TBC1D16: variants seen among roughly 807,000 people sequenced by gnomAD.
TBC1D16 encodes CTD-2529O21.1.
Under a neutral mutation model 74.7 loss-of-function variants are expected in TBC1D16, and 58 were observed. The ratio of observed to expected loss-of-function variants is 0.78; its 90% CI spans 0.63 to 0.97. The LOEUF (loss-of-function observed/expected upper bound fraction) is 0.97. Among genes scored for constraint, TBC1D16 ranks in the 50% least tolerant of loss-of-function variants. TBC1D16 has a pLI of 0.00. For synonymous variants in TBC1D16, 493 were observed against 474.7 expected, an observed-to-expected ratio of 1.04 and a Z score of -0.50; for missense variants, 1,014 against 1,079.5, an observed-to-expected ratio of 0.94 and a Z score of 0.85.
rs940288614 is a variant in TBC1D16 at position 79,986,437 on chromosome 17, G to A, written c.779+23723C>T. 2.6e-5 allele frequency among the ~76,000 whole-genome samples: 4 copies of A among 152,224 alleles called. No individual in the cohort carries two copies. The highest frequency in any genetic ancestry group is 1.9e-4 in the East Asian group (1 of 5,196). On this transcript the variant is annotated intron_variant, in intron 3 of 11. Transcript: ENST00000310924. This position sits in a 1 kb window ranked among gnomAD's most constrained non-coding sequence, Gnocchi z 6.0. ...GATTCCTCAGTGCAGTATCGTCAGC[G>A]TTGCAGTGGTGGGTAAGAGGCCCCG...
At chr17:79,963,742 G>A (rs184430004) in intron 3 of TBC1D16, among the ~76,000 whole-genome samples, 48 of 152,240 alleles carry the variant, frequency 3.2e-4, no homozygotes, top group Admixed American at 6.5e-4. Flanking sequence ...ACCGACACTT[G>A]TTAGTTTTTA....
chr17:80,011,981 G>T (rs1284073799), intron 2 of TBC1D16, among the ~76,000 whole-genome samples: 1 of 152,132 alleles, frequency 6.6e-6, no homozygotes, highest in East Asian at 1.9e-4. Flanking sequence ...TGGTGACATG[G>T]GAGGAGGGAT....
At chr17:79,984,173 C>T (rs1034848170) in intron 3 of TBC1D16, among the ~76,000 whole-genome samples, 4 of 152,160 alleles carry the variant, frequency 2.6e-5, no homozygotes, top group African/African-American at 9.7e-5. Flanking sequence ...AGGCATCTGC[C>T]AGCACGCCCA....
In TBC1D16 at chr17:79,940,830, C is replaced by G. The variant is rs2031902762; in HGVS notation, c.*29G>C. On this transcript the variant is annotated 3_prime_UTR_variant, in exon 12 of 12. Transcript: ENST00000310924. This position sits in a 1 kb window ranked among gnomAD's most constrained non-coding sequence, Gnocchi z 5.4. The stretch of plus-strand genomic sequence containing the variant: ...CCCAGGGCCTCTGAGGAGGTCCCCT[C>G]AACCCCTGTCCGGTGTCGGGGGCCC... The G allele has an allele frequency of 4.6e-6, 7 of 1,508,710 alleles. No homozygotes were observed. In the East Asian group the frequency reaches 1.6e-4, roughly 35 times the overall value. The allele number at this position is 1,508,710 out of a possible 1,614,324, so 93.5% of individuals were successfully genotyped here. A position where few individuals can be genotyped will look rare whatever the true frequency, so the allele number is the denominator to read the frequency against.
At position 79,949,650 on chromosome 17, in the gene TBC1D16, T is replaced by C. The variant is rs988003817; in HGVS notation, c.1406+67A>G. 6 of 1,555,910 alleles carry C rather than the reference T, an allele frequency of 3.9e-6. No individual in the cohort carries two copies. In the African/African-American group the frequency reaches 5.5e-5, roughly 14 times the overall value. ...TATCAATGCTGAATTGCACCTCAAA[T>C]TGCCTTTTCAAATGACATTTTCCTC... On this transcript the variant is annotated intron_variant, in intron 7 of 11. Coordinates refer to ENST00000310924, the MANE Select transcript of TBC1D16 (RefSeq NM_019020.4).
chr17:80,031,018 G>C (rs1327237174), intron 1 of TBC1D16, among the ~76,000 whole-genome samples: 1 of 152,136 alleles, frequency 6.6e-6, no homozygotes, highest in East Asian at 1.9e-4. Context: ...GCTGCAGAAC[G>C]TCTGCTGCTG....
Position 79,991,514 on chromosome 17 carries a change from G to A in TBC1D16, c.779+18646C>T, listed in dbSNP as rs191590282. 5.3e-5 allele frequency among the ~76,000 whole-genome samples: 8 copies of A among 152,290 alleles called. No individual in the cohort carries two copies. The East Asian group carries it at 1.5e-3, about 29-fold the overall frequency. ...AGTGGCGTCTGGCTGACCCTGACCA[G>A]GGGGACCTGGCCCAAGTGAGTGTGC... On this transcript the variant is annotated intron_variant, in intron 3 of 11. Transcript: ENST00000310924.
At chr17:80,027,837 A>T (rs1201588293) in intron 1 of TBC1D16, among the ~76,000 whole-genome samples, 1 of 142,594 alleles carries the variant, frequency 7.0e-6, no homozygotes. Flanking sequence ...GGTTGCAGTG[A>T]GCTGAGATCG....
chr17:79,963,502 G>A (rs987948717), intron 3 of TBC1D16, among the ~76,000 whole-genome samples: 10 of 152,212 alleles, frequency 6.6e-5, no homozygotes, highest in African/African-American at 1.4e-4. Flanking sequence ...ACCAATTGAC[G>A]GGTTGCTCTA....
Position 79,947,810 on chromosome 17 carries a change from G to C in TBC1D16, c.1563C>G (p.Ala521=). 6.2e-7 allele frequency: 1 copy of C among 1,613,516 alleles called. No homozygotes were observed. Among genetic ancestry groups the C allele is most frequent in the Non-Finnish European group, 8.5e-7 (1 of 1,179,984 alleles). The change falls in exon 9 of 12, where the codon GCC becomes GCG. Residue 521 remains alanine, a synonymous_variant. Coordinates refer to ENST00000310924, the MANE Select transcript of TBC1D16 (RefSeq NM_019020.4). ...AATAGCCGACGGCAGGGTTGTACAC[G>C]GCGTAGTTCAGCAGGATCCTCCTGG... ...ESMRRILLNY[A]VYNPAVGYSQ...
chr17:79,948,552 AC>A (rs2032758781), intron 8 of TBC1D16, among the ~76,000 whole-genome samples: 1 of 152,002 alleles, frequency 6.6e-6, no homozygotes, highest in African/African-American at 2.4e-5. Flanking sequence ...CTACGGGACC[AC>A]CCACGGGGAG....
chr17:79,976,306 G>A (rs1006916958), intron 3 of TBC1D16, among the ~76,000 whole-genome samples: 1 of 152,194 alleles, frequency 6.6e-6, no homozygotes, highest in African/African-American at 2.4e-5. Flanking sequence ...AAGGGAAAAT[G>A]GCTCTTTAGC....
In TBC1D16 at chr17:79,980,113, C is replaced by T. The variant is rs532086332; in HGVS notation, c.780-27295G>A. 1.3e-5 allele frequency among the ~76,000 whole-genome samples: 2 copies of T among 152,192 alleles called. No individual in the cohort carries two copies. Among genetic ancestry groups the T allele is most frequent in the Non-Finnish European group, 2.9e-5 (2 of 68,032 alleles). On this transcript the variant is annotated intron_variant, in intron 3 of 11. Transcript: ENST00000310924. The surrounding 1 kb of genome is among the most constrained non-coding windows in gnomAD (Gnocchi z 7.0). ...ATCTGGGCCTCCGAGCCTCCCAGCG[C>T]ATCCCACTGCTCTGCAGAAACAGAA...
intron 3 of TBC1D16, among the ~76,000 whole-genome samples, chr17:79,959,176 G>A (rs78797090): frequency 0.011 from 1,691 of 152,140 alleles, 28 homozygotes; most frequent in African/African-American, 0.039. Flanking sequence ...AAAATACTTC[G>A]GAATAAGCCT....
At chr17:79,996,036 A>C (rs1306381545) in intron 3 of TBC1D16, among the ~76,000 whole-genome samples, 1 of 152,246 alleles carries the variant, frequency 6.6e-6, no homozygotes, top group Non-Finnish European at 1.5e-5. Context: ...CTCAAAACTC[A>C]GTAGTCAACA....
At chr17:79,946,815 C>T (rs575705855) in intron 9 of TBC1D16, among the ~76,000 whole-genome samples, 2 of 152,350 alleles carry the variant, frequency 1.3e-5, no homozygotes, top group African/African-American at 4.8e-5. Context: ...GGGCCAGACC[C>T]CACACACCCT....
In TBC1D16 at chr17:79,941,568, C is replaced by T. The variant is rs2031995488; in HGVS notation, c.2056-461G>A. On this transcript the variant is annotated intron_variant, in intron 11 of 11. Coordinates refer to ENST00000310924, the MANE Select transcript of TBC1D16 (RefSeq NM_019020.4). This position sits in a 1 kb window ranked among gnomAD's most constrained non-coding sequence, Gnocchi z 4.3. Reference sequence around the variant, plus strand: ...AGGACACCACCGACCTCGGGACCCCCGCTCAGTGCCCTGAGGACCACCAGA... The same window carrying T: ...AGGACACCACCGACCTCGGGACCCCTGCTCAGTGCCCTGAGGACCACCAGA... 6.6e-6 allele frequency among the ~76,000 whole-genome samples: 1 copy of T among 152,172 alleles called. No individual in the cohort carries two copies. The highest frequency in any genetic ancestry group is 1.5e-5 in the Non-Finnish European group (1 of 68,010).
In TBC1D16 at chr17:79,986,830, G is replaced by A. The variant is rs1192473168; in HGVS notation, c.779+23330C>T. Among the ~76,000 whole-genome samples, 2 of 152,226 alleles carry A rather than the reference G, an allele frequency of 1.3e-5. No individual in the cohort carries two copies. The highest frequency in any genetic ancestry group is 2.9e-5 in the Non-Finnish European group (2 of 68,038). ...ATCAGGTCCACGGGAAGATGGGGGTGAACGAGAAGCCTGAGGCCGGGCCGG... is the reference window on the plus strand; with the variant it reads ...ATCAGGTCCACGGGAAGATGGGGGTAAACGAGAAGCCTGAGGCCGGGCCGG... On this transcript the variant is annotated intron_variant, in intron 3 of 11. Coordinates refer to ENST00000310924, the MANE Select transcript of TBC1D16 (RefSeq NM_019020.4). This position sits in a 1 kb window ranked among gnomAD's most constrained non-coding sequence, Gnocchi z 6.0.
chr17:79,947,874 C>A, intron 8 of TBC1D16, 43 bp from the exon 9 acceptor site: 1 of 1,546,132 alleles, frequency 6.5e-7, no homozygotes, highest in Non-Finnish European at 8.9e-7. Flanking sequence ...ATGACCCTCA[C>A]CGCGGCACAC....
Sources: gnomAD v4.1 joint callset for allele counts (sites outside exome capture counted in the v4.1 genomes callset) on GRCh38, gnomAD v4.1.1 for gene constraint, Gnocchi (gnomAD v3.1) non-coding constraint, MANE v1.5 for transcripts, NCBI Gene and HGNC (gene_info 2026-07-23, HGNC 2026-07-21) for gene names.